The following NLRP11 variants were observed in gnomAD, a reference collection of about 807,000 sequenced individuals.
The protein encoded by NLRP11 is NLR family pyrin domain containing 11.
A neutral mutation model predicts 79.3 loss-of-function variants in NLRP11; 53 were observed. The observed-to-expected ratio is 0.67, with a 90% CI of 0.54 to 0.84. The LOEUF is 0.84. Ranked by LOEUF, NLRP11 falls within the 40% of genes least tolerant of loss-of-function variation. The pLI is 0.00. For synonymous variants in NLRP11, 518 were observed against 462.6 expected (o/e 1.12, Z -1.54); for missense variants, 1,264 against 1,255.0 (o/e 1.01, Z -0.11).
chr19:55,792,199 C>G, intron 7 of NLRP11, 102 bp downstream of exon 7: 1 of 990,520 alleles, frequency 1.0e-6, no homozygotes, highest in South Asian at 1.5e-5. Flanking sequence ...CCCCTATCAC[C>G]CATGATGCCA....
chr19:55,807,810 T>C (rs1980140899), intron 4 of NLRP11, 43 bp downstream of exon 4: 12 of 1,393,876 alleles, frequency 8.6e-6, no homozygotes, highest in Non-Finnish European at 1.2e-5. Flanking sequence ...ACCACCGTTA[T>C]TCCTAGGGGA....
At chr19:55,803,392 A>G (rs541541161) in intron 4 of NLRP11, among the ~76,000 whole-genome samples, 1 of 152,298 alleles carries the variant, frequency 6.6e-6, no homozygotes, top group African/African-American at 2.4e-5. Context: ...CATTCTGGAC[A>G]TAGGAATGGG....
In NLRP11 at chr19:55,829,608, A is replaced by C. The variant is rs184754405; in HGVS notation, c.-63+2355T>G. On this transcript the variant is annotated intron_variant, in intron 1 of 9. Coordinates refer to ENST00000589093, the Ensembl canonical transcript of NLRP11. Reference sequence around the variant, plus strand: ...CTTGAACCTCAGAAGTGGAGGTTGCAGTGAGCCGAGATGGCGCCACTGCAC... The same window carrying C: ...CTTGAACCTCAGAAGTGGAGGTTGCCGTGAGCCGAGATGGCGCCACTGCAC... Among the ~76,000 whole-genome samples, 299 of 141,408 alleles carry C rather than the reference A, an allele frequency of 2.1e-3. 1 individual carries two copies. Among genetic ancestry groups the C allele is most frequent in the Middle Eastern group, 3.8e-3 (1 of 260 alleles). 92.8% of individuals were successfully genotyped at this position (141,408 alleles called of 152,430 possible). A position where few individuals can be genotyped will look rare whatever the true frequency, so the allele number is the denominator to read the frequency against.
intron 6 of NLRP11, among the ~76,000 whole-genome samples, chr19:55,794,546 G>C (rs1978614229): frequency 6.6e-6 from 1 of 152,158 alleles, no homozygotes; most frequent in Admixed American, 6.5e-5. Flanking sequence ...GGATCACGAG[G>C]TCAGGAGATC....
Position 55,809,596 on chromosome 19 carries a change from G to T in NLRP11, c.1014C>A (p.Val338=), listed in dbSNP as rs1455149403. Residue 338 remains valine (V), a synonymous_variant, in exon 3 of 10, where the codon GTC becomes GTA. Transcript: ENST00000589093. The surrounding 1 kb of genome is among the most constrained non-coding windows in gnomAD (Gnocchi z 4.5). ...TACACGTGATCCAGCATAAGATGGC[G>T]ACTCGGCACAGACCCACGAGTATTT... The T allele has an allele frequency of 1.2e-6, 2 of 1,614,052 alleles. No homozygotes were observed. The highest frequency in any genetic ancestry group is 1.1e-5 in the South Asian group (1 of 91,074).
intron 6 of NLRP11, among the ~76,000 whole-genome samples, chr19:55,794,863 T>C (rs1036149045): frequency 6.6e-6 from 1 of 152,018 alleles, no homozygotes. Context: ...TTACAGAAAA[T>C]ATAAAGAATA....
At chr19:55,811,423 G>A (rs903653470) in intron 2 of NLRP11, among the ~76,000 whole-genome samples, 2 of 152,176 alleles carry the variant, frequency 1.3e-5, no homozygotes, top group Admixed American at 1.3e-4. Flanking sequence ...GAGGGAGCCT[G>A]GCAGCATGGA....
upstream of NLRP11, chr19:55,833,023 T>C (rs913119883): frequency 6.6e-6 from 1 of 152,134 alleles, no homozygotes; most frequent in Non-Finnish European, 1.5e-5. Context: ...GCAGCTTTGG[T>C]GAATATAAAT....
intron 7 of NLRP11, 103 bp downstream of exon 7, chr19:55,792,198 C>A (rs1990272504): frequency 5.1e-6 from 5 of 986,360 alleles, no homozygotes; most frequent in East Asian, 4.8e-5. Flanking sequence ...ACCCCTATCA[C>A]CCATGATGCC....
chr19:55,788,733 C>G, intron 9 of NLRP11, 74 bp downstream of exon 9: 1 of 1,010,270 alleles, frequency 9.9e-7, no homozygotes, highest in Non-Finnish European at 1.3e-6. Context: ...GAGTGAGACT[C>G]TGTCTCTCAA....
rs1980415181 is a variant in NLRP11, at chr19:55,809,818, CTT to C, written c.790_791del (p.Lys264GlufsTer20). On this transcript the variant is annotated frameshift_variant, in exon 3 of 10. Transcript: ENST00000589093. LOFTEE classifies it high-confidence loss of function. The surrounding 1 kb of genome is among the most constrained non-coding windows in gnomAD (Gnocchi z 4.5). Reference sequence around the variant, plus strand: ...ACCAGCAGCCTGGAGCCATTTTTCTCTTCAGCAAACTGACCAGGAGAACTGGA... The same window carrying C: ...ACCAGCAGCCTGGAGCCATTTTTCTCCAGCAAACTGACCAGGAGAACTGGA... 6.2e-7 allele frequency: 1 copy of C among 1,614,098 alleles called. No individual in the cohort carries two copies. Among genetic ancestry groups the C allele is most frequent in the African/African-American group, 1.3e-5 (1 of 74,950 alleles).
chr19:55,789,342 A>G (rs758835223), exon 8 of NLRP11: 14 of 1,614,014 alleles, frequency 8.7e-6, no homozygotes, highest in Non-Finnish European at 8.5e-7. Flanking sequence ...TTTCATTAGT[A>G]GCAATAACTA....
intron 4 of NLRP11, among the ~76,000 whole-genome samples, chr19:55,807,265 C>T (rs4500859): frequency 6.6e-6 from 1 of 151,900 alleles, no homozygotes; most frequent in Non-Finnish European, 1.5e-5. Context: ...TATTTTAGTG[C>T]CATTTCCTAT....
chr19:55,829,280 C>T (rs1982519029), intron 1 of NLRP11, among the ~76,000 whole-genome samples: 1 of 151,500 alleles, frequency 6.6e-6, no homozygotes, highest in African/African-American at 2.4e-5. Flanking sequence ...TCATCCTATA[C>T]AATAGTATAA....
chr19:55,800,881 G>C (rs991240767), intron 5 of NLRP11, among the ~76,000 whole-genome samples: 1 of 152,082 alleles, frequency 6.6e-6, no homozygotes, highest in Non-Finnish European at 1.5e-5. Context: ...GTTAAATACT[G>C]TTAAAATTAG....
chr19:55,800,125 G>A (rs1010145085), intron 5 of NLRP11, among the ~76,000 whole-genome samples: 6 of 152,170 alleles, frequency 3.9e-5, no homozygotes, highest in African/African-American at 1.2e-4. Context: ...TGCCGTTAGA[G>A]CATGAGGTAC....
At chr19:55,820,175 C>T (rs1172921746) in intron 1 of NLRP11, among the ~76,000 whole-genome samples, 1 of 152,128 alleles carries the variant, frequency 6.6e-6, no homozygotes, top group Non-Finnish European at 1.5e-5. Flanking sequence ...CTGTTTCCCT[C>T]TCCTCCCCTA....
exon 8 of NLRP11, chr19:55,789,334 T>A (rs1474565802): frequency 6.2e-7 from 1 of 1,614,022 alleles, no homozygotes; most frequent in Admixed American, 1.7e-5. Context: ...CCTCAGTTTT[T>A]CATTAGTAGC....
chr19:55,819,636 G>T (rs1257625250), intron 1 of NLRP11, among the ~76,000 whole-genome samples: 1 of 152,172 alleles, frequency 6.6e-6, no homozygotes, highest in Non-Finnish European at 1.5e-5. Context: ...TCGACACAGA[G>T]AACAAGGGAT....
Sources: gnomAD v4.1 joint callset for allele counts (sites outside exome capture counted in the v4.1 genomes callset) on GRCh38, gnomAD v4.1.1 for gene constraint, Gnocchi (gnomAD v3.1) non-coding constraint, MANE v1.5 for transcripts, NCBI Gene and HGNC (gene_info 2026-07-23, HGNC 2026-07-21) for gene names.